FRMD3: variants seen among roughly 807,000 people sequenced by gnomAD.
FRMD3 encodes FERM domain containing 3, also known as FERM domain-containing protein 3.
A neutral mutation model predicts 70.2 loss-of-function variants in FRMD3; 33 were observed. That is an observed-to-expected ratio of 0.47 (90% CI 0.36 to 0.63). FRMD3 has a LOEUF of 0.63. Ranked by LOEUF, FRMD3 falls within the 20% of genes least tolerant of loss-of-function variation. The probability of loss-of-function intolerance (pLI) is 0.00; values close to 1 mark genes in which losing one functional copy is unlikely to be tolerated. For synonymous variants in FRMD3, 279 were observed against 255.9 expected (o/e 1.09, Z -0.86); for missense variants, 632 against 711.4 (o/e 0.89, Z 1.27).
At chr9:83,391,695 T>C (rs1376096069) in intron 1 of FRMD3, among the ~76,000 whole-genome samples, 1 of 152,082 alleles carries the variant, frequency 6.6e-6, no homozygotes, top group Non-Finnish European at 1.5e-5. Context: ...TGAAGACCCT[T>C]GAGAGAAGAA....
At chr9:83,544,367 C>G in the FRMD3 span, among the ~76,000 whole-genome samples, 1 of 152,152 alleles carries the variant, frequency 6.6e-6, no homozygotes, top group Admixed American at 6.5e-5. Flanking sequence ...TGTGCTTGTG[C>G]TTGGCATTGG....
intron 12 of FRMD3, chr9:83,297,838 C>T (rs745589122): frequency 2.1e-6 from 1 of 471,690 alleles, no homozygotes; most frequent in South Asian, 1.5e-5. Flanking sequence ...ATCATGCCAA[C>T]TGCACTTCTG....
intron 1 of FRMD3, among the ~76,000 whole-genome samples, chr9:83,514,742 T>C (rs1829417135): frequency 6.6e-6 from 1 of 152,186 alleles, no homozygotes; most frequent in African/African-American, 2.4e-5. Flanking sequence ...GATGCCCCTC[T>C]AAGACAAAGC....
chr9:83,409,965 A>G (rs958963673), intron 1 of FRMD3, among the ~76,000 whole-genome samples: 3 of 152,180 alleles, frequency 2.0e-5, no homozygotes, highest in African/African-American at 7.2e-5. Context: ...AGATACATGC[A>G]TGCCCAGCCC....
intron 1 of FRMD3, among the ~76,000 whole-genome samples, chr9:83,533,708 C>T (rs146196866): frequency 3.2e-4 from 49 of 152,256 alleles, no homozygotes; most frequent in Admixed American, 1.5e-3. Context: ...AGGGACTCTG[C>T]GGTGAACATC....
At chr9:83,494,859 G>A (rs1828905442) in intron 1 of FRMD3, among the ~76,000 whole-genome samples, 1 of 115,420 alleles carries the variant, frequency 8.7e-6, no homozygotes, top group Non-Finnish European at 2.0e-5. Context: ...GTGTGTGTGT[G>A]CGCGCGCGCA....
chr9:83,339,508 G>A (rs934782588), intron 5 of FRMD3, among the ~76,000 whole-genome samples: 1 of 152,190 alleles, frequency 6.6e-6, no homozygotes. Flanking sequence ...GTGAATGGGT[G>A]AGTAAGGTCA....
chr9:83,280,645 C>A (rs961400429), intron 13 of FRMD3, among the ~76,000 whole-genome samples: 11 of 152,120 alleles, frequency 7.2e-5, no homozygotes, highest in Admixed American at 5.2e-4. Context: ...GCAGCTGTTT[C>A]CAAATCTTCT....
At chr9:83,342,236 G>A (rs1823784558) in intron 5 of FRMD3, among the ~76,000 whole-genome samples, 1 of 152,162 alleles carries the variant, frequency 6.6e-6, no homozygotes, top group East Asian at 1.9e-4. Context: ...GCCATATGGT[G>A]CCTCAGGCCC....
chr9:83,375,289 T>C (rs930819053), intron 2 of FRMD3, among the ~76,000 whole-genome samples: 9 of 152,220 alleles, frequency 5.9e-5, no homozygotes, highest in African/African-American at 2.2e-4. Flanking sequence ...AAATAAGTTA[T>C]TTACTCTAAA....
chr9:83,519,643 G>T (rs568781477), intron 1 of FRMD3, among the ~76,000 whole-genome samples: 7 of 152,252 alleles, frequency 4.6e-5, no homozygotes, highest in African/African-American at 1.7e-4. Flanking sequence ...CCATTACTGG[G>T]TATATACCCA....
At chr9:83,316,131 AC>A (rs1303479608) in intron 6 of FRMD3, among the ~76,000 whole-genome samples, 1 of 147,678 alleles carries the variant, frequency 6.8e-6, no homozygotes, top group African/African-American at 2.5e-5. Flanking sequence ...CATATATGCC[AC>A]CTTATTCTTT....
At chr9:83,516,295 A>G (rs960840066) in intron 1 of FRMD3, among the ~76,000 whole-genome samples, 4 of 144,028 alleles carry the variant, frequency 2.8e-5, no homozygotes, top group Admixed American at 1.4e-4. Context: ...AAATAGAAAG[A>G]AAAAAAAAAA....
chr9:83,344,778 A>T (rs1295495858), intron 4 of FRMD3, among the ~76,000 whole-genome samples: 1 of 150,392 alleles, frequency 6.6e-6, no homozygotes, highest in East Asian at 2.0e-4. Flanking sequence ...CCTTATAATA[A>T]ATCTCATTAT....
At chr9:83,311,300 A>C (rs1311521892) in intron 8 of FRMD3, among the ~76,000 whole-genome samples, 2 of 152,050 alleles carry the variant, frequency 1.3e-5, no homozygotes, top group Non-Finnish European at 2.9e-5. Flanking sequence ...AAAAAAAAAA[A>C]AAAACAGAGA....
At chr9:83,472,593 G>A (rs1348516432) in intron 1 of FRMD3, among the ~76,000 whole-genome samples, 1 of 152,038 alleles carries the variant, frequency 6.6e-6, no homozygotes, top group Non-Finnish European at 1.5e-5. Flanking sequence ...CCTCACTAGG[G>A]GCCAGCACAA....
chr9:83,327,268 G>C (rs1337932493), intron 6 of FRMD3, among the ~76,000 whole-genome samples: 2 of 152,292 alleles, frequency 1.3e-5, no homozygotes, highest in South Asian at 2.1e-4. Context: ...GCTGCAACTT[G>C]GTTGCAACTT....
At chr9:83,434,563 G>C (rs898389101) in intron 1 of FRMD3, among the ~76,000 whole-genome samples, 2 of 152,182 alleles carry the variant, frequency 1.3e-5, no homozygotes, top group African/African-American at 4.8e-5. Flanking sequence ...AGAACAATGG[G>C]TTTTCTGAAT....
chr9:83,510,375 AG>A (rs755903807), intron 1 of FRMD3, among the ~76,000 whole-genome samples: 2 of 152,204 alleles, frequency 1.3e-5, no homozygotes, highest in Non-Finnish European at 2.9e-5. Flanking sequence ...GATAATAACC[AG>A]TGTTACTGAT....
Sources: gnomAD v4.1 joint callset for allele counts (sites outside exome capture counted in the v4.1 genomes callset) on GRCh38, gnomAD v4.1.1 for gene constraint, MANE v1.5 for transcripts, NCBI Gene and HGNC (gene_info 2026-07-23, HGNC 2026-07-21) for gene names.